Variants in RBFOX1 observed in about 807,000 individuals in gnomAD.
The protein encoded by RBFOX1 is RNA binding protein fox-1 homolog 1.
Under a neutral mutation model 57.7 loss-of-function variants are expected in RBFOX1, and 8 were observed. The observed-to-expected ratio is 0.14, with a 90% CI of 0.08 to 0.25. RBFOX1 has a LOEUF of 0.25. Among genes scored for constraint, RBFOX1 ranks in the 10% least tolerant of loss-of-function variants. The pLI is 1.00. For missense variants in RBFOX1, 611 were observed against 548.5 expected, an observed-to-expected ratio of 1.11 and a Z score of -1.14; for synonymous variants, 326 against 222.4, an observed-to-expected ratio of 1.47 and a Z score of -4.15.
At chr16:6,729,281 G>T (rs150219592) in intron 3 of RBFOX1, among the ~76,000 whole-genome samples, 1 of 152,122 alleles carries the variant, frequency 6.6e-6, no homozygotes. Flanking sequence ...GGGACCTGAC[G>T]ATCAAGATTT....
intron 1 of RBFOX1, among the ~76,000 whole-genome samples, chr16:6,248,106 C>G (rs1049860815): frequency 6.6e-6 from 1 of 152,148 alleles, no homozygotes; most frequent in African/African-American, 2.4e-5. Flanking sequence ...TCTTTTATTC[C>G]TTCCATAATA....
chr16:5,611,193 A>G (rs1458401287), intron 3 of RBFOX1: 1 of 152,208 alleles, frequency 6.6e-6, no homozygotes, highest in Admixed American at 6.5e-5. Context: ...TCTTGGGTTC[A>G]TCTTTAAGGT....
chr16:6,833,305 A>G (rs907110577), intron 3 of RBFOX1, among the ~76,000 whole-genome samples: 1 of 151,986 alleles, frequency 6.6e-6, no homozygotes, highest in Non-Finnish European at 1.5e-5. Flanking sequence ...ACCTGCGACT[A>G]TAGGCTCCCA....
At chr16:5,795,141 C>T (rs1334923907) in intron 3 of RBFOX1, among the ~76,000 whole-genome samples, 5 of 152,124 alleles carry the variant, frequency 3.3e-5, no homozygotes, top group East Asian at 3.9e-4. Context: ...AGATCAGTAG[C>T]GATGGATCTG....
intron 1 of RBFOX1, among the ~76,000 whole-genome samples, chr16:6,203,958 C>T (rs944832307): frequency 1.3e-5 from 2 of 150,912 alleles, no homozygotes; most frequent in African/African-American, 2.4e-5. Flanking sequence ...CTGTTGGTGG[C>T]TCTGCCAGTT....
chr16:6,720,771 T>A lies in RBFOX1; in HGVS notation c.-16+66121T>A, dbSNP rs78499498. 7.9e-5 allele frequency among the ~76,000 whole-genome samples: 12 copies of A among 152,316 alleles called. No individual in the cohort carries two copies. The East Asian group carries it at 2.1e-3, about 27-fold the overall frequency. ...ATTTCTGAGTGTGCCACCTTTTTTA[T>A]TCTTCAAATAGGTGATAAAGTAGGT... On this transcript the variant is annotated intron_variant, in intron 3 of 15. Transcript: ENST00000550418.
At chr16:7,525,046 C>T (rs533644863) in intron 5 of RBFOX1, among the ~76,000 whole-genome samples, 19 of 152,236 alleles carry the variant, frequency 1.2e-4, no homozygotes, top group Non-Finnish European at 2.5e-4. Context: ...AAATGAGTTA[C>T]TAATACCTTA....
chr16:5,428,970 C>T (rs1050003111), intron 1 of RBFOX1, among the ~76,000 whole-genome samples: 3 of 152,080 alleles, frequency 2.0e-5, no homozygotes, highest in Admixed American at 1.3e-4. Context: ...GGCTTTTCCT[C>T]TCTTCCTAAC....
intron 4 of RBFOX1, among the ~76,000 whole-genome samples, chr16:7,096,818 G>A (rs2061770095): frequency 6.6e-6 from 1 of 150,876 alleles, no homozygotes; most frequent in South Asian, 2.1e-4. Flanking sequence ...TGTAATCCCA[G>A]CTACGTAGGG....
chr16:6,410,919 C>T (rs953461843), intron 2 of RBFOX1, among the ~76,000 whole-genome samples: 3 of 152,192 alleles, frequency 2.0e-5, no homozygotes, highest in Non-Finnish European at 4.4e-5. Context: ...GAACATATTA[C>T]TCAGCATTTG....
At chr16:6,895,555 T>C (rs1444725292) in intron 3 of RBFOX1, among the ~76,000 whole-genome samples, 1 of 148,606 alleles carries the variant, frequency 6.7e-6, no homozygotes, top group East Asian at 2.0e-4. Context: ...TGCACATGAT[T>C]GATGAGAGGA....
intron 1 of RBFOX1, among the ~76,000 whole-genome samples, chr16:5,437,993 G>T (rs1300859372): frequency 6.6e-6 from 1 of 152,170 alleles, no homozygotes; most frequent in Non-Finnish European, 1.5e-5. Context: ...TCTCTGTGTT[G>T]TCAAGGGGAC....
chr16:5,387,391 C>G lies in RBFOX1; in HGVS notation c.220-79825C>G, dbSNP rs142537604. Among the ~76,000 whole-genome samples the G allele has an allele frequency of 7.8e-3, 1,193 of 152,276 alleles. 18 individuals carry two copies. Among genetic ancestry groups the G allele is most frequent in the African/African-American group, 0.027 (1,127 of 41,556 alleles). ...GAGGCCCTCCAAGTTGGCATGGTGA[C>G]TCTGTAAAGTCATCACAGACCTAGG... On this transcript the variant is annotated intron_variant, in intron 1 of 2. Transcript: ENST00000585867.
At chr16:5,919,224 G>A (rs193198573) in intron 4 of RBFOX1, among the ~76,000 whole-genome samples, 27 of 152,342 alleles carry the variant, frequency 1.8e-4, no homozygotes, top group African/African-American at 6.0e-4. Flanking sequence ...GATGGTTCTA[G>A]TTAATGCCTA....
chr16:6,397,173 A>G (rs1163319188), intron 2 of RBFOX1, among the ~76,000 whole-genome samples: 1 of 152,214 alleles, frequency 6.6e-6, no homozygotes, highest in East Asian at 1.9e-4. Context: ...AATACTTTCA[A>G]GAAGCTCAAG....
At chr16:6,363,466 G>A (rs2152874729) in intron 2 of RBFOX1, among the ~76,000 whole-genome samples, 1 of 152,328 alleles carries the variant, frequency 6.6e-6, no homozygotes, top group African/African-American at 2.4e-5. Context: ...AGATGTTCTA[G>A]CGTGGAATGG....
chr16:5,373,677 T>C (rs1427456045), intron 1 of RBFOX1, among the ~76,000 whole-genome samples: 2 of 152,020 alleles, frequency 1.3e-5, no homozygotes, highest in African/African-American at 4.8e-5. Flanking sequence ...CGATCTTGGC[T>C]CACTGCACCT....
intron 3 of RBFOX1, among the ~76,000 whole-genome samples, chr16:6,941,291 C>CCTCT: frequency 1.2e-5 from 1 of 82,564 alleles, no homozygotes; most frequent in Non-Finnish European, 2.2e-5. Context: ...TCCCTCCTTC[C>CCTCT]CTCCCTCCCT....
chr16:6,132,844 G>T (rs1391319916), intron 1 of RBFOX1, among the ~76,000 whole-genome samples: 1 of 151,850 alleles, frequency 6.6e-6, no homozygotes, highest in East Asian at 1.9e-4. Context: ...AAAATTAGCT[G>T]GGCATGGTGG....
Sources: gnomAD v4.1 joint callset for allele counts (sites outside exome capture counted in the v4.1 genomes callset) on GRCh38, gnomAD v4.1.1 for gene constraint, MANE v1.5 for transcripts, NCBI Gene and HGNC (gene_info 2026-07-23, HGNC 2026-07-21) for gene names.